The following CEP83 variants were observed in gnomAD, a reference collection of about 807,000 sequenced individuals.
CEP83 encodes centrosomal protein 83.
Under a neutral mutation model 101.9 loss-of-function variants are expected in CEP83, and 70 were observed. That is an observed-to-expected ratio of 0.69 (90% confidence interval 0.57 to 0.84). The LOEUF is 0.84. Ranked by LOEUF, CEP83 falls within the 40% of genes least tolerant of loss-of-function variation. The pLI is 0.00. For synonymous variants in CEP83, 264 were observed against 267.9 expected, an observed-to-expected ratio of 0.99 and a Z score of 0.14; for missense variants, 715 against 787.2, an observed-to-expected ratio of 0.91 and a Z score of 1.10.
the CEP83 span, among the ~76,000 whole-genome samples, chr12:94,269,928 T>C: frequency 5.3e-5 from 8 of 152,374 alleles, no homozygotes; most frequent in African/African-American, 1.9e-4. Context: ...AAAATTAACA[T>C]GTAATGGGTG....
intron 8 of CEP83, among the ~76,000 whole-genome samples, chr12:94,374,753 T>C (rs2061452703): frequency 6.6e-6 from 1 of 152,204 alleles, no homozygotes; most frequent in Non-Finnish European, 1.5e-5. Flanking sequence ...CTGTATTCTT[T>C]ATGTTACAAT....
chr12:94,317,696 G>A (rs1393403833), intron 14 of CEP83, among the ~76,000 whole-genome samples: 13 of 152,022 alleles, frequency 8.6e-5, no homozygotes, highest in Admixed American at 8.5e-4. Context: ...GCTTGTTTTT[G>A]TCAGCTTTGT....
chr12:94,446,752 TA>T (rs1277766987), intron 1 of CEP83, among the ~76,000 whole-genome samples: 1 of 152,064 alleles, frequency 6.6e-6, no homozygotes, highest in Non-Finnish European at 1.5e-5. Flanking sequence ...CGACATACTG[TA>T]CACGAAATAT....
the CEP83 span, among the ~76,000 whole-genome samples, chr12:94,298,166 T>TCG: frequency 3.9e-5 from 6 of 152,262 alleles, no homozygotes; most frequent in Non-Finnish European, 8.8e-5. Flanking sequence ...CCAGCCTATT[T>TCG]GGCTTTTGTG....
rs527346755 is a variant in CEP83, at chr12:94,385,246, A to G, written c.550-6204T>C. Among the ~76,000 whole-genome samples the G allele has an allele frequency of 4.6e-5, 7 of 152,254 alleles. No individual in the cohort carries two copies. The South Asian group carries it at 1.5e-3, about 32-fold the overall frequency. ...ATGGGAAGCGTAGGAGTAATTTATT[A>G]TTGCTCCTCATGTTACCTCCATCGA... is the stretch of plus-strand genomic sequence containing the variant. On this transcript the variant is annotated intron_variant, in intron 6 of 16. Coordinates refer to ENST00000397809, the MANE Select transcript of CEP83 (RefSeq NM_016122.3).
chr12:94,438,576 T>C (rs897349373), intron 1 of CEP83, among the ~76,000 whole-genome samples: 6 of 151,136 alleles, frequency 4.0e-5, no homozygotes, highest in African/African-American at 1.5e-4. Flanking sequence ...AGAAATGAGA[T>C]ACATGGCAAC....
the CEP83 span, among the ~76,000 whole-genome samples, chr12:94,283,074 A>ATC: frequency 6.6e-6 from 1 of 152,164 alleles, no homozygotes; most frequent in Non-Finnish European, 1.5e-5. Flanking sequence ...ATCCACTCTG[A>ATC]TAAGAGCTGG....
Position 94,308,144 on chromosome 12 carries a change from A to G in CEP83, c.*669T>C, listed in dbSNP as rs1432984009. On this transcript the variant is annotated 3_prime_UTR_variant, in exon 17 of 17. Coordinates refer to ENST00000397809, the MANE Select transcript of CEP83 (RefSeq NM_016122.3). ...AAAGGACCTGAGTTCAAGTTTTATA[A>G]TCAATGGCCCCCTTGTTAATACAGC... 14 of 152,202 alleles carry G rather than the reference A, an allele frequency of 9.2e-5. No individual in the cohort carries two copies. The highest frequency in any genetic ancestry group is 9.2e-4 in the Admixed American group (14 of 15,264). The allele number at this position is 152,202 out of a possible 1,614,324, so 9.4% of individuals were successfully genotyped here. A position where few individuals can be genotyped will look rare whatever the true frequency, so the allele number is the denominator to read the frequency against.
At chr12:94,355,748 T>C (rs2060438419) in intron 11 of CEP83, among the ~76,000 whole-genome samples, 2 of 152,194 alleles carry the variant, frequency 1.3e-5, no homozygotes, top group African/African-American at 4.8e-5. Flanking sequence ...CCGCCCAGGG[T>C]GGAAAACCGC....
chr12:94,390,306 C>T (rs1035390285), intron 6 of CEP83, among the ~76,000 whole-genome samples: 1 of 152,196 alleles, frequency 6.6e-6, no homozygotes, highest in South Asian at 2.1e-4. Context: ...TGTTCTGTGA[C>T]GTCTGCTGGT....
chr12:94,399,390 T>C (rs1455744734), intron 6 of CEP83, among the ~76,000 whole-genome samples: 1 of 152,174 alleles, frequency 6.6e-6, no homozygotes, highest in Non-Finnish European at 1.5e-5. Context: ...TCACTTATCT[T>C]GTGCCTTAGT....
the CEP83 span, among the ~76,000 whole-genome samples, chr12:94,295,585 C>T: frequency 6.6e-6 from 1 of 152,168 alleles, no homozygotes; most frequent in East Asian, 1.9e-4. Flanking sequence ...CACCGTCTTA[C>T]ACCCTGCTAA....
chr12:94,316,049 A>AT (rs1179939201), intron 14 of CEP83, among the ~76,000 whole-genome samples: 1 of 152,092 alleles, frequency 6.6e-6, no homozygotes, highest in Admixed American at 6.5e-5. Flanking sequence ...ACCTGCTGAG[A>AT]TTTTGATTAG....
chr12:94,398,079 T>C (rs923714926), intron 6 of CEP83, among the ~76,000 whole-genome samples: 1 of 152,200 alleles, frequency 6.6e-6, no homozygotes, highest in Non-Finnish European at 1.5e-5. Flanking sequence ...GGTGGAAGAT[T>C]ACAAATTCTT....
At chr12:94,385,461 T>C (rs1456175677) in intron 6 of CEP83, among the ~76,000 whole-genome samples, 1 of 152,164 alleles carries the variant, frequency 6.6e-6, no homozygotes, top group Non-Finnish European at 1.5e-5. Flanking sequence ...AGTGACAGCA[T>C]GGCAGAGGAT....
chr12:94,451,249 A>G lies in CEP83; in HGVS notation c.-155+8308T>C, dbSNP rs536353792. Among the ~76,000 whole-genome samples the G allele has an allele frequency of 1.1e-4, 17 of 152,260 alleles. No individual in the cohort carries two copies. The East Asian group carries it at 2.1e-3, about 19-fold the overall frequency. ...CAAAGAAAAATCTTTGGGACCTTGG[A>G]TTAGGCAAAAAGTTCGTATACATAA... On this transcript the variant is annotated intron_variant, in intron 1 of 16. Coordinates refer to ENST00000397809, the MANE Select transcript of CEP83 (RefSeq NM_016122.3).
chr12:94,340,837 C>T (rs796847035), intron 11 of CEP83, among the ~76,000 whole-genome samples: 6 of 151,760 alleles, frequency 4.0e-5, no homozygotes, highest in South Asian at 2.1e-4. Context: ...AGCAGACAAA[C>T]GAGAGAGATA....
At chr12:94,355,591 A>G (rs1250823356) in intron 11 of CEP83, among the ~76,000 whole-genome samples, 1 of 152,274 alleles carries the variant, frequency 6.6e-6, no homozygotes, top group Non-Finnish European at 1.5e-5. Context: ...AGATGTTGGG[A>G]GCAAGCCCCC....
chr12:94,339,753 T>G (rs2059601559), intron 11 of CEP83, among the ~76,000 whole-genome samples: 2 of 152,176 alleles, frequency 1.3e-5, no homozygotes, highest in African/African-American at 2.4e-5. Flanking sequence ...TTCTTGCTTG[T>G]GAGCACTGGA....
Sources: gnomAD v4.1 joint callset for allele counts (sites outside exome capture counted in the v4.1 genomes callset) on GRCh38, gnomAD v4.1.1 for gene constraint, MANE v1.5 for transcripts, NCBI Gene and HGNC (gene_info 2026-07-23, HGNC 2026-07-21) for gene names.